ZNF331: variants seen among roughly 807,000 people sequenced by gnomAD.
ZNF331 encodes the protein zinc finger protein 331, also known as C2H2-like zinc finger protein rearranged in thyroid adenomas.
In ZNF331, 2 loss-of-function variants were observed where a neutral mutation model predicts 7.0. That is an observed-to-expected ratio of 0.29 (90% CI 0.12 to 0.90). The LOEUF (loss-of-function observed/expected upper bound fraction) is 0.90, where lower values mean the gene tolerates loss of function less well. ZNF331 is among the 40% of genes least tolerant of loss of function. ZNF331 has a pLI of 0.58. For missense variants in ZNF331, 432 were observed against 587.7 expected (o/e 0.74, Z 2.74); for synonymous variants, 196 against 205.4 (o/e 0.95, Z 0.39).
the ZNF331 span, among the ~76,000 whole-genome samples, chr19:53,507,905 T>G: frequency 1.3e-5 from 2 of 152,090 alleles, no homozygotes; most frequent in Non-Finnish European, 2.9e-5. Context: ...GAGACTGAGG[T>G]GGGAGAATCG....
chr19:53,528,561 G>C (rs538375061), intron 2 of ZNF331, among the ~76,000 whole-genome samples: 1 of 152,178 alleles, frequency 6.6e-6, no homozygotes, highest in Admixed American at 6.6e-5. Flanking sequence ...GTAACTGTCA[G>C]AGTTCAGAAT....
chr19:53,557,226 G>A (rs753345083), intron 3 of ZNF331, among the ~76,000 whole-genome samples: 8 of 152,016 alleles, frequency 5.3e-5, no homozygotes, highest in Non-Finnish European at 1.0e-4. Context: ...CCAAAGTGCT[G>A]GGGTTACAGG....
At chr19:53,530,105 G>A (rs890792869) in intron 2 of ZNF331, among the ~76,000 whole-genome samples, 11 of 152,182 alleles carry the variant, frequency 7.2e-5, no homozygotes, top group African/African-American at 2.7e-4. Context: ...CTTGGAAGGT[G>A]AAGTGGGAGC....
chr19:53,554,072 G>T lies in ZNF331; in HGVS notation c.-137-1773G>T, dbSNP rs144994000. On this transcript the variant is annotated intron_variant, in intron 2 of 5. Transcript: ENST00000449416. ...TGGGGCTCTGGTTTCCCCAGACATCGCCCTCCTCAAGCCTCTCACCCCTTC... is the reference window on the plus strand; with the variant it reads ...TGGGGCTCTGGTTTCCCCAGACATCTCCCTCCTCAAGCCTCTCACCCCTTC... 9.1e-4 allele frequency among the ~76,000 whole-genome samples: 139 copies of T among 152,292 alleles called. No homozygotes were observed. In the East Asian group the frequency reaches 0.018, roughly 20 times the overall value.
At chr19:53,568,973 C>G (rs1342334560) in intron 3 of ZNF331, among the ~76,000 whole-genome samples, 6 of 151,352 alleles carry the variant, frequency 4.0e-5, no homozygotes, top group African/African-American at 1.2e-4. Context: ...TCCCCTGCCT[C>G]AACCTCCCAA....
At chr19:53,569,407 C>A in intron 4 of ZNF331, 22 bp downstream of exon 4, 2 of 1,613,224 alleles carry the variant, frequency 1.2e-6, no homozygotes, top group Non-Finnish European at 1.7e-6. Flanking sequence ...TTTCTCTTTC[C>A]TTCTTGAGCT....
chr19:53,503,956 T>C, the ZNF331 span: 2 of 616,234 alleles, frequency 3.2e-6, no homozygotes, highest in Non-Finnish European at 6.0e-6. Flanking sequence ...TGATGTGATC[T>C]GCCTGGGGCT....
At chr19:53,529,610 A>G (rs10410855) in intron 2 of ZNF331, among the ~76,000 whole-genome samples, 39,857 of 151,948 alleles carry the variant, frequency 0.26, 6,187 homozygotes, top group African/African-American at 0.43. Flanking sequence ...CACAGAGAAA[A>G]AATTCCCTGA....
chr19:53,507,568 A>G, the ZNF331 span, among the ~76,000 whole-genome samples: 121 of 152,274 alleles, frequency 7.9e-4, 1 homozygote, highest in African/African-American at 2.6e-3. Context: ...CAAATTTACC[A>G]TGTAACCCCT....
chr19:53,514,497 A>G, the ZNF331 span, among the ~76,000 whole-genome samples: 1 of 152,050 alleles, frequency 6.6e-6, no homozygotes, highest in African/African-American at 2.4e-5. Context: ...CACCGCGCCT[A>G]GCCCTAACTA....
At chr19:53,514,652 C>CTT (rs67056894), upstream of ZNF331, among the ~76,000 whole-genome samples, 56 of 132,978 alleles carry the variant, frequency 4.2e-4, 3 homozygotes, top group African/African-American at 8.2e-4. Flanking sequence ...AAGCCTTCTC[C>CTT]TTTTTTTTTT....
At chr19:53,566,296 G>A (rs1275345911) in intron 3 of ZNF331, among the ~76,000 whole-genome samples, 1 of 152,058 alleles carries the variant, frequency 6.6e-6, no homozygotes, top group Non-Finnish European at 1.5e-5. Flanking sequence ...GTTTGGTTTG[G>A]TTTGGTTTGG....
chr19:53,567,959 A>G (rs913647409), intron 3 of ZNF331, among the ~76,000 whole-genome samples: 2 of 152,152 alleles, frequency 1.3e-5, no homozygotes, highest in East Asian at 3.9e-4. Flanking sequence ...ACCCAAGGAA[A>G]GAAGTACGTG....
chr19:53,572,824 G>A (rs2090529292), intron 5 of ZNF331, among the ~76,000 whole-genome samples: 2 of 152,030 alleles, frequency 1.3e-5, no homozygotes, highest in Admixed American at 1.3e-4. Flanking sequence ...GAGGGAGCAG[G>A]AGCTAGAATC....
chr19:53,526,544 G>A (rs534887683), intron 2 of ZNF331, among the ~76,000 whole-genome samples: 30 of 146,460 alleles, frequency 2.0e-4, no homozygotes, highest in Middle Eastern at 3.6e-3. Flanking sequence ...ATTTTTTGGC[G>A]TAGAAATTTT....
In ZNF331 at chr19:53,578,379, C is replaced by T. The variant is rs74425540; in HGVS notation, c.*427C>T. On this transcript the variant is annotated 3_prime_UTR_variant, in exon 6 of 6. Coordinates refer to ENST00000449416, the MANE Select transcript of ZNF331 (RefSeq NM_001079906.2). ...CCTTTTAAATGAAAAGGTGAAAGTT[C>T]TCAACTTAAAAAAGAAAAGAAAAAA... The T allele has an allele frequency of 8.1e-3, 1,925 of 236,796 alleles. 42 individuals carry two copies. The highest frequency in any genetic ancestry group is 0.039 in the African/African-American group (1,774 of 45,300). The allele number at this position is 236,796 out of a possible 1,614,324, so 14.7% of individuals were successfully genotyped here. A position where few individuals can be genotyped will look rare whatever the true frequency, so the allele number is the denominator to read the frequency against.
chr19:53,513,460 T>A, the ZNF331 span, among the ~76,000 whole-genome samples: 1,325 of 132,112 alleles, frequency 0.01, 4 homozygotes, highest in African/African-American at 0.022. Flanking sequence ...TTTTTAAAAA[T>A]ATAATTGCTC....
intron 5 of ZNF331, among the ~76,000 whole-genome samples, chr19:53,575,883 C>T (rs962059624): frequency 5.9e-5 from 9 of 151,750 alleles, no homozygotes; most frequent in African/African-American, 1.9e-4. Context: ...AGGATTTCAC[C>T]GTGTTGGCCA....
intron 5 of ZNF331, among the ~76,000 whole-genome samples, chr19:53,574,068 A>T (rs974093850): frequency 6.6e-6 from 1 of 152,176 alleles, no homozygotes; most frequent in African/African-American, 2.4e-5. Flanking sequence ...GTGAGTCAAG[A>T]TCATGCCACT....
Sources: allele counts gnomAD v4.1 joint callset (sites outside exome capture counted in the v4.1 genomes callset), GRCh38; gene constraint gnomAD v4.1.1; transcripts MANE v1.5; gene names NCBI Gene and HGNC (gene_info 2026-07-23, HGNC 2026-07-21).